Variants in ZCCHC7 observed in about 807,000 individuals in gnomAD.
ZCCHC7 encodes zinc finger CCHC domain-containing protein 7.
A neutral mutation model predicts 52.0 loss-of-function variants in ZCCHC7; 35 were observed. The ratio of observed to expected loss-of-function variants is 0.67; its 90% CI spans 0.51 to 0.89. The LOEUF is 0.89. ZCCHC7 is among the 40% of genes least tolerant of loss of function. ZCCHC7 has a pLI of 0.00. For missense variants in ZCCHC7, 574 were observed against 649.1 expected, an observed-to-expected ratio of 0.88 and a Z score of 1.26; for synonymous variants, 217 against 221.5, an observed-to-expected ratio of 0.98 and a Z score of 0.18.
Position 37,305,520 on chromosome 9 carries a change from T to C in ZCCHC7, c.781-24T>C, listed in dbSNP as rs577492546. The stretch of plus-strand genomic sequence containing the variant: ...CTTCTACCTTTTGAGACTGAAGAGA[T>C]TTTATGTTTTTTTCGCCACATAGAA... On this transcript the variant is annotated intron_variant, in intron 4 of 8. Transcript: ENST00000336755. 9.9e-6 allele frequency: 16 copies of C among 1,611,472 alleles called. No individual in the cohort carries two copies. In the South Asian group the frequency reaches 1.6e-4, roughly 17 times the overall value.
chr9:37,186,473 T>C (rs897923549), intron 2 of ZCCHC7, among the ~76,000 whole-genome samples: 2 of 152,206 alleles, frequency 1.3e-5, no homozygotes, highest in Admixed American at 1.3e-4. Context: ...ATTAATATGC[T>C]GTATATTTTT....
At chr9:37,215,610 G>C (rs1187362480) in intron 2 of ZCCHC7, among the ~76,000 whole-genome samples, 1 of 152,178 alleles carries the variant, frequency 6.6e-6, no homozygotes, top group Non-Finnish European at 1.5e-5. Flanking sequence ...AAAAGGAGCA[G>C]CTTGTTTATG....
chr9:37,164,702 T>G (rs1450014876), intron 2 of ZCCHC7, among the ~76,000 whole-genome samples: 1 of 152,210 alleles, frequency 6.6e-6, no homozygotes, highest in Non-Finnish European at 1.5e-5. Flanking sequence ...CCTCAGACTC[T>G]TGTGTAGGTC....
chr9:37,196,485 G>GAA (rs1823293033), intron 2 of ZCCHC7, among the ~76,000 whole-genome samples: 1 of 152,112 alleles, frequency 6.6e-6, no homozygotes, highest in South Asian at 2.1e-4. Flanking sequence ...CTGATGCAAA[G>GAA]AAAAAGGCAT....
At chr9:37,212,541 A>C (rs1349748700) in intron 2 of ZCCHC7, among the ~76,000 whole-genome samples, 2 of 152,070 alleles carry the variant, frequency 1.3e-5, no homozygotes, top group Non-Finnish European at 2.9e-5. Flanking sequence ...TTAGTTGGCT[A>C]TCTGAATCAT....
chr9:37,324,837 T>A (rs1210262431), intron 5 of ZCCHC7, among the ~76,000 whole-genome samples: 1 of 152,180 alleles, frequency 6.6e-6, no homozygotes, highest in Non-Finnish European at 1.5e-5. Context: ...TGTTTGTTCA[T>A]TGTTGTGGAA....
At chr9:37,230,977 C>T (rs147310739) in intron 2 of ZCCHC7, among the ~76,000 whole-genome samples, 3 of 152,096 alleles carry the variant, frequency 2.0e-5, no homozygotes, top group African/African-American at 7.2e-5. Context: ...CTAGGACACC[C>T]GGGCTGGATT....
upstream of ZCCHC7, among the ~76,000 whole-genome samples, chr9:37,120,304 T>A (rs769128674): frequency 2.0e-5 from 3 of 152,180 alleles, no homozygotes; most frequent in African/African-American, 7.2e-5. Context: ...AGCATCTCCT[T>A]CGTACGAGTC....
At chr9:37,170,282 T>C (rs1021954606) in intron 2 of ZCCHC7, among the ~76,000 whole-genome samples, 1 of 152,218 alleles carries the variant, frequency 6.6e-6, no homozygotes, top group Non-Finnish European at 1.5e-5. Context: ...ATATTGTAGT[T>C]CTCAGAGGCT....
intron 2 of ZCCHC7, among the ~76,000 whole-genome samples, chr9:37,288,797 C>G (rs989571013): frequency 2.0e-5 from 3 of 152,298 alleles, no homozygotes; most frequent in South Asian, 2.1e-4. Flanking sequence ...CAAGTTTCCT[C>G]TCACCTCACT....
At chr9:37,151,869 T>G (rs1392101531) in intron 2 of ZCCHC7, among the ~76,000 whole-genome samples, 1 of 152,214 alleles carries the variant, frequency 6.6e-6, no homozygotes, top group Non-Finnish European at 1.5e-5. Context: ...GAGCTCTGAA[T>G]GTAAACTTAG....
At chr9:37,128,706 A>T (rs1005394763) in intron 2 of ZCCHC7, among the ~76,000 whole-genome samples, 3 of 152,218 alleles carry the variant, frequency 2.0e-5, no homozygotes, top group African/African-American at 7.2e-5. Flanking sequence ...AAATCATTGC[A>T]CTTGAGTGAA....
chr9:37,283,572 A>T (rs963428074), intron 2 of ZCCHC7, among the ~76,000 whole-genome samples: 22 of 152,122 alleles, frequency 1.4e-4, no homozygotes, highest in Admixed American at 6.5e-5. Context: ...TTTTCCTATT[A>T]TGACTTTAAT....
At chr9:37,199,328 T>C (rs1823466006) in intron 2 of ZCCHC7, among the ~76,000 whole-genome samples, 1 of 84,838 alleles carries the variant, frequency 1.2e-5, no homozygotes. Context: ...TTCTTTCTTC[T>C]TTTTTTTTTT....
intron 2 of ZCCHC7, among the ~76,000 whole-genome samples, chr9:37,129,311 A>G (rs909875041): frequency 6.6e-6 from 1 of 152,214 alleles, no homozygotes; most frequent in African/African-American, 2.4e-5. Flanking sequence ...AGAACCTTGG[A>G]TTTGTTTTCT....
rs770399465 is a variant in ZCCHC7, at chr9:37,126,628, G to A, written c.296G>A (p.Ser99Asn). The stretch of plus-strand genomic sequence containing the variant: ...GTCATCACTTTGTCTGATGAAGACA[G>A]TATTTATAGATGTAAAGGAAAGAAT... ...SEVITLSDED[S>N]IYRCKGKNVR... Residue 99 changes from serine to asparagine, a missense_variant, in exon 2 of 9, where the codon AGT becomes AAT. Coordinates refer to ENST00000336755, the MANE Select transcript of ZCCHC7 (RefSeq NM_032226.3). The A allele has an allele frequency of 1.2e-6, 2 of 1,614,160 alleles. No homozygotes were observed. The highest frequency in any genetic ancestry group is 1.3e-5 in the African/African-American group (1 of 75,056).
In ZCCHC7 at chr9:37,304,303, C is replaced by T. The variant is rs1313993585; in HGVS notation, c.770C>T (p.Pro257Leu). The change falls in exon 4 of 9, where the codon CCC (proline) becomes CTC (leucine). Residue 257 changes from proline (P) to leucine (L), a missense_variant. Physicochemically the swap from Pro to Leu is moderately conservative, Grantham distance 98. This residue lies in a region of ZCCHC7 where 403 missense variants were observed against 461.2 expected (regional missense o/e 0.87). Transcript: ENST00000336755. Reference sequence around the variant, plus strand: ...CGTGGTCATTTATCAAAAAACTGCCCCTTACCACGAGTACGTGAAATATGC... The same window carrying T: ...CGTGGTCATTTATCAAAAAACTGCCTCTTACCACGAGTACGTGAAATATGC... ...DKRGHLSKNC[P>L]LPRKVRRCFL... 2 of 1,612,408 alleles carry T rather than the reference C, an allele frequency of 1.2e-6. No homozygotes were observed. Among genetic ancestry groups the T allele is most frequent in the African/African-American group, 2.7e-5 (2 of 74,742 alleles).
At chr9:37,289,150 C>CT (rs756165414) in intron 2 of ZCCHC7, among the ~76,000 whole-genome samples, 2,102 of 141,402 alleles carry the variant, frequency 0.015, 20 homozygotes, top group Non-Finnish European at 0.021. Context: ...TCTTCTTTTA[C>CT]TTTTTTTTTT....
chr9:37,141,830 G>A (rs1019765466), intron 2 of ZCCHC7, among the ~76,000 whole-genome samples: 3 of 151,784 alleles, frequency 2.0e-5, no homozygotes, highest in Non-Finnish European at 4.4e-5. Flanking sequence ...CAGATCTTAA[G>A]AGTTTGCTTT....
Sources: allele counts gnomAD v4.1 joint callset (sites outside exome capture counted in the v4.1 genomes callset), GRCh38; gene constraint gnomAD v4.1.1; regional missense constraint gnomAD v4.1.1; transcripts MANE v1.5; gene names NCBI Gene and HGNC (gene_info 2026-07-23, HGNC 2026-07-21).